ZFHX3: variants seen among roughly 807,000 people sequenced by gnomAD.
ZFHX3 encodes the protein zinc finger homeobox protein 3.
ZFHX3 carries 42 observed loss-of-function variants against 279.1 expected under a neutral mutation model. The observed-to-expected ratio is 0.15, with a 90% CI of 0.12 to 0.19. The LOEUF (loss-of-function observed/expected upper bound fraction) is 0.19, where lower values mean the gene tolerates loss of function less well. ZFHX3 is among the 10% of genes least tolerant of loss of function. The pLI, the probability that ZFHX3 is intolerant of heterozygous loss-of-function variation, is 1.00. For missense variants in ZFHX3, 4,981 were observed against 4,754.0 expected (o/e 1.05, Z -1.40); for synonymous variants, 2,293 against 1,957.8 (o/e 1.17, Z -4.52).
chr16:73,883,055 CA>C (rs916940796), intron 1 of ZFHX3, among the ~76,000 whole-genome samples: 43 of 146,046 alleles, frequency 2.9e-4, no homozygotes, highest in African/African-American at 6.8e-4. Flanking sequence ...TCTTTCACAT[CA>C]AAAAAAAAAC....
intron 4 of ZFHX3, among the ~76,000 whole-genome samples, chr16:72,833,405 C>A (rs915616559): frequency 4.6e-5 from 7 of 152,142 alleles, no homozygotes; most frequent in Admixed American, 3.3e-4. Flanking sequence ...ATTACAGAGG[C>A]TGCAGATTTT....
intron 5 of ZFHX3, among the ~76,000 whole-genome samples, chr16:73,151,043 A>G (rs1176431552): frequency 6.6e-6 from 1 of 152,220 alleles, no homozygotes; most frequent in Non-Finnish European, 1.5e-5. Flanking sequence ...ATGTAGAAGA[A>G]CCTTGAAATC....
In ZFHX3 at chr16:72,957,796, C is replaced by T. The variant is rs1383503121; in HGVS notation, c.2350G>A (p.Ala784Thr). The T allele has an allele frequency of 6.2e-7, 1 of 1,609,762 alleles. No individual in the cohort carries two copies. The highest frequency in any genetic ancestry group is 1.3e-5 in the African/African-American group (1 of 74,936). ...AAAVAAAAAA[A>T]NISSSCGAPS... ...GCCCCGCAGGAGCTACTGATATTGG[C>T]TGCCGCCGCCGCCGCAGCCACCGCC... Residue 784 changes from alanine to threonine, a missense_variant, in exon 2 of 10, where the codon GCC becomes ACC. Physicochemically the swap from Ala to Thr is moderately conservative, Grantham distance 58. Coordinates refer to ENST00000268489, the MANE Select transcript of ZFHX3 (RefSeq NM_006885.4).
chr16:73,577,196 T>C (rs2051809009), intron 2 of ZFHX3, among the ~76,000 whole-genome samples: 1 of 152,116 alleles, frequency 6.6e-6, no homozygotes, highest in Non-Finnish European at 1.5e-5. Context: ...TTCTTAATGA[T>C]AAAAAAATAA....
chr16:73,630,426 C>T (rs1360059010), intron 2 of ZFHX3, among the ~76,000 whole-genome samples: 5 of 152,218 alleles, frequency 3.3e-5, no homozygotes, highest in African/African-American at 9.6e-5. Context: ...CATATGTCAA[C>T]TTCACCTTGC....
chr16:73,253,063 T>A (rs1286747164), intron 5 of ZFHX3, among the ~76,000 whole-genome samples: 2 of 152,206 alleles, frequency 1.3e-5, no homozygotes, highest in Non-Finnish European at 2.9e-5. Flanking sequence ...GCTCCCAGGC[T>A]GTTCCAGGCG....
At chr16:73,059,220 A>AG in exon 1 of ZFHX3, 1 of 150,066 alleles carries the variant, frequency 6.7e-6, no homozygotes, top group Middle Eastern at 3.4e-3. Context: ...AGGGAGGAAA[A>AG]AAAAAAAAAA....
At position 72,981,383 on chromosome 16, in the gene ZFHX3, T is replaced by C. The variant is rs2144542005; in HGVS notation, c.-49-21189A>G. 2.0e-5 allele frequency among the ~76,000 whole-genome samples: 3 copies of C among 152,346 alleles called. No individual in the cohort carries two copies. The South Asian group carries it at 6.2e-4, about 32-fold the overall frequency. ...TTATATAACAGCTTGATTTCAAGCT[T>C]TGAGCCAAAGTCTGATTAAGAAGAA... is the stretch of plus-strand genomic sequence containing the variant. On this transcript the variant is annotated intron_variant, in intron 1 of 9. Coordinates refer to ENST00000268489, the MANE Select transcript of ZFHX3 (RefSeq NM_006885.4).
chr16:73,012,276 G>A (rs1046776578), intron 1 of ZFHX3, among the ~76,000 whole-genome samples: 4 of 152,196 alleles, frequency 2.6e-5, no homozygotes, highest in African/African-American at 9.7e-5. Context: ...CCTCTGTGCT[G>A]GGAAGTGCAT....
chr16:73,720,702 T>G (rs1296602019), intron 1 of ZFHX3, among the ~76,000 whole-genome samples: 1 of 152,234 alleles, frequency 6.6e-6, no homozygotes, highest in Non-Finnish European at 1.5e-5. Context: ...GATAATTGTA[T>G]AGTTAGTTTT....
intron 1 of ZFHX3, among the ~76,000 whole-genome samples, chr16:73,856,375 T>C (rs1961727411): frequency 6.6e-6 from 1 of 152,206 alleles, no homozygotes; most frequent in Admixed American, 6.5e-5. Context: ...CAGTAACAGT[T>C]CTATGGTATT....
intron 2 of ZFHX3, among the ~76,000 whole-genome samples, chr16:73,539,669 G>A (rs2019977062): frequency 2.0e-5 from 3 of 151,998 alleles, no homozygotes; most frequent in African/African-American, 7.2e-5. Flanking sequence ...CAGCATTACT[G>A]ACCTTATTTG....
upstream of ZFHX3, among the ~76,000 whole-genome samples, chr16:73,051,007 T>G (rs1965439339): frequency 6.6e-6 from 1 of 152,174 alleles, no homozygotes; most frequent in Non-Finnish European, 1.5e-5. Flanking sequence ...GTCTCTCTCT[T>G]TCTCTACACA....
At chr16:72,957,308 A>G in intron 2 of ZFHX3, 119 bp downstream of exon 2, 1 of 1,264,496 alleles carries the variant, frequency 7.9e-7, no homozygotes. Context: ...TCCAGTTTAC[A>G]CAAAAACCAC....
intron 1 of ZFHX3, among the ~76,000 whole-genome samples, chr16:72,974,508 C>T (rs1052290882): frequency 1.5e-4 from 23 of 151,792 alleles, no homozygotes; most frequent in Non-Finnish European, 3.2e-4. Flanking sequence ...CACGAGGCTC[C>T]GGAACTGGCA....
chr16:73,036,091 C>T (rs978862693), intron 1 of ZFHX3, among the ~76,000 whole-genome samples: 2 of 152,228 alleles, frequency 1.3e-5, no homozygotes, highest in Non-Finnish European at 2.9e-5. Flanking sequence ...TCCCCCACCC[C>T]ATACACACAT....
intron 1 of ZFHX3, among the ~76,000 whole-genome samples, chr16:73,788,625 T>C (rs1049659089): frequency 6.6e-6 from 1 of 152,118 alleles, no homozygotes; most frequent in Non-Finnish European, 1.5e-5. Flanking sequence ...CGCAGACAAC[T>C]AGTAACAACT....
At chr16:73,698,143 G>C (rs750184971) in intron 1 of ZFHX3, among the ~76,000 whole-genome samples, 39 of 151,882 alleles carry the variant, frequency 2.6e-4, no homozygotes, top group Non-Finnish European at 4.0e-4. Flanking sequence ...TTGTACCATG[G>C]TTATGGTACA....
chr16:73,450,380 A>G (rs552850982), intron 3 of ZFHX3, among the ~76,000 whole-genome samples: 10 of 152,350 alleles, frequency 6.6e-5, no homozygotes, highest in African/African-American at 2.4e-4. Flanking sequence ...TTTAGGTGGT[A>G]GAAGTTTTGA....
Sources: allele counts gnomAD v4.1 joint callset (sites outside exome capture counted in the v4.1 genomes callset), GRCh38; gene constraint gnomAD v4.1.1; transcripts MANE v1.5; gene names NCBI Gene and HGNC (gene_info 2026-07-23, HGNC 2026-07-21).